TAS2R1: variants seen among roughly 807,000 people sequenced by gnomAD.
The protein encoded by TAS2R1 is taste receptor type 2 member 1.
For missense variants in TAS2R1, 370 were observed against 353.4 expected (o/e 1.05, Z -0.38); for synonymous variants, 141 against 134.2 (o/e 1.05, Z -0.35).
intron 1 of TAS2R1, among the ~76,000 whole-genome samples, chr5:9,680,469 T>C (rs1740971425): frequency 6.6e-6 from 1 of 152,170 alleles, no homozygotes; most frequent in Non-Finnish European, 1.5e-5. Context: ...TGAAAAACAC[T>C]ACCTCAAACA....
In TAS2R1 at chr5:9,629,239, A is replaced by T. The variant is rs748769525; in HGVS notation, c.794T>A (p.Val265Glu). ...RRFIFLFFILVIGIYPSGHSL... is the reference protein window; with the variant it reads ...RRFIFLFFILEIGIYPSGHSL... ...GTGTCCAGAAGGGTATATACCAATC[A>T]CAAGGATGAAGAACAGAAAGATGAA... is the stretch of plus-strand genomic sequence containing the variant. Residue 265 changes from valine (V) to glutamate (E), a missense_variant, in exon 1 of 1, where the codon GTG becomes GAG. By Grantham distance (121) the Val-to-Glu change is moderately radical (BLOSUM62 -2). Coordinates refer to ENST00000382492, the MANE Select transcript of TAS2R1 (RefSeq NM_019599.3). The T allele has an allele frequency of 6.2e-7, 1 of 1,613,758 alleles. No homozygotes were observed. Among genetic ancestry groups the T allele is most frequent in the East Asian group, 2.2e-5 (1 of 44,882 alleles).
At chr5:9,647,263 C>T (rs1740208594) in intron 2 of TAS2R1, among the ~76,000 whole-genome samples, 1 of 152,138 alleles carries the variant, frequency 6.6e-6, no homozygotes, top group Admixed American at 6.5e-5. Context: ...TGTACCTTGA[C>T]CCAAGGACTA....
intron 1 of TAS2R1, among the ~76,000 whole-genome samples, chr5:9,687,916 G>A (rs1320207183): frequency 6.6e-6 from 1 of 152,138 alleles, no homozygotes; most frequent in African/African-American, 2.4e-5. Flanking sequence ...GAGGGGGTGA[G>A]TCTTCATTCT....
chr5:9,823,845 G>C, the TAS2R1 span, among the ~76,000 whole-genome samples: 1 of 152,158 alleles, frequency 6.6e-6, no homozygotes, highest in African/African-American at 2.4e-5. Flanking sequence ...CTCCATCTGG[G>C]TCCAGTAGGA....
At chr5:9,750,242 C>G in the TAS2R1 span, among the ~76,000 whole-genome samples, 1 of 152,190 alleles carries the variant, frequency 6.6e-6, no homozygotes, top group Non-Finnish European at 1.5e-5. Flanking sequence ...CTTCCACTCT[C>G]TGCATTCTTG....
At chr5:9,885,042 T>C in the TAS2R1 span, among the ~76,000 whole-genome samples, 1 of 152,198 alleles carries the variant, frequency 6.6e-6, no homozygotes, top group Non-Finnish European at 1.5e-5. Context: ...ATACATAAAC[T>C]AACTCTTTCA....
At chr5:9,717,017 C>T (rs2126537346), upstream of TAS2R1, among the ~76,000 whole-genome samples, 1 of 152,308 alleles carries the variant, frequency 6.6e-6, no homozygotes, top group East Asian at 1.9e-4. Context: ...ACTCTCACCA[C>T]CTACTCATAG....
chr5:9,857,467 T>C, the TAS2R1 span, among the ~76,000 whole-genome samples: 75 of 152,242 alleles, frequency 4.9e-4, no homozygotes, highest in African/African-American at 1.7e-3. Context: ...AGCTAATGGA[T>C]GTGGAGCTTA....
chr5:9,757,589 T>C, the TAS2R1 span, among the ~76,000 whole-genome samples: 3 of 152,178 alleles, frequency 2.0e-5, no homozygotes, highest in South Asian at 6.2e-4. Flanking sequence ...GCATGTAGAA[T>C]TATAAAACTT....
At chr5:9,792,551 C>G in the TAS2R1 span, among the ~76,000 whole-genome samples, 1 of 152,198 alleles carries the variant, frequency 6.6e-6, no homozygotes, top group African/African-American at 2.4e-5. Flanking sequence ...ATTGACAACA[C>G]GACTTTCATT....
chr5:9,736,309 C>A, the TAS2R1 span, among the ~76,000 whole-genome samples: 324 of 152,334 alleles, frequency 2.1e-3, 2 homozygotes, highest in African/African-American at 7.4e-3. Context: ...CAGCTATGGT[C>A]TAGCAGGACA....
At chr5:9,734,383 T>G in the TAS2R1 span, among the ~76,000 whole-genome samples, 1 of 152,194 alleles carries the variant, frequency 6.6e-6, no homozygotes, top group Non-Finnish European at 1.5e-5. Flanking sequence ...CTCCCTTTTT[T>G]GGGGAATAAA....
the TAS2R1 span, among the ~76,000 whole-genome samples, chr5:9,748,533 G>T: frequency 6.6e-6 from 1 of 152,138 alleles, no homozygotes; most frequent in Non-Finnish European, 1.5e-5. Context: ...ATCTCATGGA[G>T]CCCTCAGGCG....
the TAS2R1 span, among the ~76,000 whole-genome samples, chr5:9,902,423 T>C: frequency 2.0e-5 from 3 of 152,036 alleles, no homozygotes; most frequent in African/African-American, 2.4e-5. Context: ...GGCTGTCATT[T>C]GGCTGGCCAG....
At chr5:9,668,820 A>T (rs194095) in intron 1 of TAS2R1, among the ~76,000 whole-genome samples, 144,167 of 152,098 alleles carry the variant, frequency 0.95, 68,913 homozygotes, top group Non-Finnish European at 1. Flanking sequence ...CTTAAGTACA[A>T]AGACCATCAG....
the TAS2R1 span, among the ~76,000 whole-genome samples, chr5:9,823,638 A>AAGGGAGGGAAAGGGAGGAAGGG: frequency 3.4e-4 from 40 of 118,624 alleles, no homozygotes; most frequent in African/African-American, 1.2e-3. Flanking sequence ...GGGAGGAAGG[A>AAGGGAGGGAAAGGGAGGAAGGG]AGGGAGGGAA....
chr5:9,861,108 T>C, the TAS2R1 span, among the ~76,000 whole-genome samples: 1,101 of 146,268 alleles, frequency 7.5e-3, 26 homozygotes, highest in East Asian at 0.063. Flanking sequence ...TAGTGACCAA[T>C]ATTTAAAACA....
chr5:9,650,695 G>A (rs1349482130), intron 2 of TAS2R1, among the ~76,000 whole-genome samples: 1 of 151,910 alleles, frequency 6.6e-6, no homozygotes, highest in African/African-American at 2.4e-5. Flanking sequence ...AAAAGACTTG[G>A]TCCGATTATC....
At chr5:9,884,213 T>C in the TAS2R1 span, among the ~76,000 whole-genome samples, 13 of 152,158 alleles carry the variant, frequency 8.5e-5, no homozygotes, top group African/African-American at 3.1e-4. Context: ...TGGTGGCTCA[T>C]GCCTGTAATC....
Sources: gnomAD v4.1 joint callset for allele counts (sites outside exome capture counted in the v4.1 genomes callset) on GRCh38, gnomAD v4.1.1 for gene constraint, MANE v1.5 for transcripts, NCBI Gene and HGNC (gene_info 2026-07-23, HGNC 2026-07-21) for gene names.